Variants in TAAR1 observed in about 807,000 individuals in gnomAD.
TAAR1 encodes trace amine-associated receptor 1.
In TAAR1, 1 loss-of-function variant was observed where a neutral mutation model predicts 1.2. The ratio of observed to expected loss-of-function variants is 0.81; its 90% CI spans 0.29 to 3.86. The LOEUF is 3.86. TAAR1 is among the 30% of genes most tolerant of loss of function. The probability of loss-of-function intolerance (pLI) is 0.18; values close to 1 mark genes in which losing one functional copy is unlikely to be tolerated. For synonymous variants in TAAR1, 153 were observed against 132.2 expected, an observed-to-expected ratio of 1.16 and a Z score of -1.08; for missense variants, 445 against 405.6, an observed-to-expected ratio of 1.10 and a Z score of -0.83.
At chr6:132,651,756 A>G (rs1055620186) in intron 1 of TAAR1, among the ~76,000 whole-genome samples, 5 of 152,314 alleles carry the variant, frequency 3.3e-5, no homozygotes, top group African/African-American at 1.2e-4. Flanking sequence ...AAGTGATCAC[A>G]TAAGTACATA....
intron 1 of TAAR1, among the ~76,000 whole-genome samples, 61 bp downstream of exon 1, chr6:132,659,069 C>CT (rs11457062): frequency 0.53 from 80,184 of 151,926 alleles, 22,382 homozygotes; most frequent in African/African-American, 0.72. Context: ...TAAAATACTA[C>CT]TTTAGGCCTT....
intron 1 of TAAR1, among the ~76,000 whole-genome samples, chr6:132,652,716 A>G (rs539305585): frequency 1.3e-5 from 2 of 150,034 alleles, no homozygotes; most frequent in Admixed American, 6.7e-5. Context: ...CACAACCTGA[A>G]CTTGCTTCTA....
At chr6:132,647,660 G>GAAAT (rs1161172846) in intron 1 of TAAR1, among the ~76,000 whole-genome samples, 1 of 146,332 alleles carries the variant, frequency 6.8e-6, no homozygotes, top group Non-Finnish European at 1.5e-5. Context: ...AAGAAAGAAA[G>GAAAT]AAAGAAAGAA....
In TAAR1 at chr6:132,645,811, T is replaced by C. The variant is rs1291772263; in HGVS notation, c.193A>G (p.Met65Val). ...HTPTNWLIHS[M>V]ATVDFLLGCL... ...CCCAGAAGAAAGTCCACAGTGGCCA[T>C]GGAATGAATGAGCCAATTTGTTGGG... The change falls in exon 2 of 2, where the codon ATG (methionine) becomes GTG (valine). Residue 65 changes from methionine (M) to valine (V), a missense_variant. Coordinates refer to ENST00000275216, the MANE Select transcript of TAAR1 (RefSeq NM_138327.4). 2 of 1,613,654 alleles carry C rather than the reference T, an allele frequency of 1.2e-6. No individual in the cohort carries two copies. Among genetic ancestry groups the C allele is most frequent in the African/African-American group, 2.7e-5 (2 of 74,876 alleles).
At chr6:132,650,052 C>T (rs75853082) in intron 1 of TAAR1, among the ~76,000 whole-genome samples, 1 of 152,118 alleles carries the variant, frequency 6.6e-6, no homozygotes, top group African/African-American at 2.4e-5. Context: ...ATCATAGACT[C>T]GCCTCCATCT....
At position 132,646,052 on chromosome 6, in the gene TAAR1, T is replaced by C. The variant is rs373542154; in HGVS notation, c.-49A>G. On this transcript the variant is annotated 5_prime_UTR_variant, in exon 2 of 2. Coordinates refer to ENST00000275216, the MANE Select transcript of TAAR1 (RefSeq NM_138327.4). ...ACTTTTCCCTTTGTGTGTTGATTTATCTTTTTCCCAAATCCATAATCAGGT... is the reference window on the plus strand; with the variant it reads ...ACTTTTCCCTTTGTGTGTTGATTTACCTTTTTCCCAAATCCATAATCAGGT... The C allele has an allele frequency of 1.3e-5, 19 of 1,516,424 alleles. No homozygotes were observed. The African/African-American group carries it at 2.2e-4, about 18-fold the overall frequency. 93.9% of individuals were successfully genotyped at this position (1,516,424 alleles called of 1,614,324 possible).
intron 1 of TAAR1, among the ~76,000 whole-genome samples, chr6:132,650,482 G>A (rs1195529452): frequency 1.3e-5 from 2 of 152,166 alleles, no homozygotes; most frequent in Admixed American, 6.6e-5. Context: ...CAATTGCTCA[G>A]GAATCCTACT....
At chr6:132,656,625 A>G (rs557378742) in intron 1 of TAAR1, among the ~76,000 whole-genome samples, 2 of 152,268 alleles carry the variant, frequency 1.3e-5, no homozygotes, top group South Asian at 4.1e-4. Context: ...TAGAACCTTA[A>G]AAAAAATTCA....
At chr6:132,657,232 T>C (rs1305872471) in intron 1 of TAAR1, among the ~76,000 whole-genome samples, 2 of 152,256 alleles carry the variant, frequency 1.3e-5, no homozygotes, top group Non-Finnish European at 2.9e-5. Flanking sequence ...AGATGCGTAG[T>C]TATAATTAAA....
At chr6:132,647,623 G>GAAAAAGAAAGAAAGAAAGAAA (rs201011015) in intron 1 of TAAR1, among the ~76,000 whole-genome samples, 5 of 103,122 alleles carry the variant, frequency 4.8e-5, no homozygotes, top group South Asian at 6.1e-4. Context: ...GAAAGAAAAA[G>GAAAAAGAAAGAAAGAAAGAAA]GAAAGAAAGA....
chr6:132,658,713 A>G (rs1197239239), intron 1 of TAAR1, among the ~76,000 whole-genome samples: 3 of 152,194 alleles, frequency 2.0e-5, no homozygotes, highest in Non-Finnish European at 4.4e-5. Context: ...AAAAAAATCT[A>G]TAAGGACTCC....
chr6:132,648,301 C>G (rs949839972), intron 1 of TAAR1, among the ~76,000 whole-genome samples: 3 of 152,126 alleles, frequency 2.0e-5, no homozygotes, highest in Admixed American at 2.0e-4. Context: ...TTTATTTATT[C>G]CTGACTCTTA....
rs763699040 is a variant in TAAR1, at chr6:132,645,049, G to A, written c.955C>T (p.Leu319=). ...PWFRKALKMM[L]FGKIFQKDSS... is the part of the protein sequence containing the mutation. ...TCTTTTTGGAAAATTTTACCAAACAGCATCATCTTCAGTGCTTTTCTAAAC... is the reference window on the plus strand; with the variant it reads ...TCTTTTTGGAAAATTTTACCAAACAACATCATCTTCAGTGCTTTTCTAAAC... The change falls in exon 2 of 2, where the codon CTG becomes TTG. Residue 319 remains leucine, a synonymous_variant. Coordinates refer to ENST00000275216, the MANE Select transcript of TAAR1 (RefSeq NM_138327.4). 8 of 1,598,424 alleles carry A rather than the reference G, an allele frequency of 5.0e-6. No individual in the cohort carries two copies. The Admixed American group carries it at 1.4e-4, about 29-fold the overall frequency.
intron 1 of TAAR1, among the ~76,000 whole-genome samples, chr6:132,650,243 A>T (rs538494817): frequency 1.9e-4 from 29 of 152,120 alleles, no homozygotes; most frequent in African/African-American, 7.0e-4. Context: ...CATTTATTTT[A>T]CACACCTTTC....
chr6:132,651,424 T>G (rs76004881), intron 1 of TAAR1, among the ~76,000 whole-genome samples: 1,964 of 152,280 alleles, frequency 0.013, 68 homozygotes, highest in Admixed American at 0.079. Flanking sequence ...GCCAAGCCCT[T>G]GACCTCCCTC....
intron 1 of TAAR1, among the ~76,000 whole-genome samples, chr6:132,649,532 ATT>A: frequency 6.6e-6 from 1 of 152,272 alleles, no homozygotes; most frequent in African/African-American, 2.4e-5. Flanking sequence ...AGACTGGGTA[ATT>A]TATAAAGGAA....
rs1777624767 is a variant in TAAR1, at chr6:132,643,705, T to G, written c.*1279A>C. ...GGTAAATCCAAATCCCCAGTGATACTCAATCTGAAACAGACCATGTGAAGT... is the reference window on the plus strand; with the variant it reads ...GGTAAATCCAAATCCCCAGTGATACGCAATCTGAAACAGACCATGTGAAGT... On this transcript the variant is annotated 3_prime_UTR_variant, in exon 2 of 2. Coordinates refer to ENST00000275216, the MANE Select transcript of TAAR1 (RefSeq NM_138327.4). 6.6e-6 allele frequency among the ~76,000 whole-genome samples: 1 copy of G among 152,002 alleles called. No individual in the cohort carries two copies. The highest frequency in any genetic ancestry group is 1.5e-5 in the Non-Finnish European group (1 of 67,920).
At chr6:132,653,249 G>T (rs1049608504) in intron 1 of TAAR1, among the ~76,000 whole-genome samples, 24 of 152,152 alleles carry the variant, frequency 1.6e-4, no homozygotes, top group Admixed American at 6.5e-5. Flanking sequence ...CTTCCACCAG[G>T]AATATACTAG....
chr6:132,645,879 A>G lies in TAAR1; in HGVS notation c.125T>C (p.Leu42Pro). The change falls in exon 2 of 2, where the codon CTG becomes CCG. Residue 42 changes from leucine (L) to proline (P), a missense_variant. Transcript: ENST00000275216. ...LIILTTLVGN[L>P]IVIVSISHFK... ...GTGTGATATAGAAACAATAACTATC[A>G]GATTGCCAACGAGTGTGGTCAGAAT... 2 of 1,613,870 alleles carry G rather than the reference A, an allele frequency of 1.2e-6. 1 individual carries two copies. Among genetic ancestry groups the G allele is most frequent in the South Asian group, 2.2e-5 (2 of 91,080 alleles).
Sources: allele counts gnomAD v4.1 joint callset (sites outside exome capture counted in the v4.1 genomes callset), GRCh38; gene constraint gnomAD v4.1.1; transcripts MANE v1.5; gene names NCBI Gene and HGNC (gene_info 2026-07-23, HGNC 2026-07-21).